The following IGSF21 variants were observed in gnomAD, a reference collection of about 807,000 sequenced individuals.
The protein encoded by IGSF21 is immunoglobin superfamily member 21, also known as immunoglobulin superfamily member 21.
Under a neutral mutation model 46.8 loss-of-function variants are expected in IGSF21, and 28 were observed. The ratio of observed to expected loss-of-function variants is 0.60; its 90% CI spans 0.44 to 0.82. The LOEUF (loss-of-function observed/expected upper bound fraction) is 0.82. Ranked by LOEUF, IGSF21 falls within the 40% of genes least tolerant of loss-of-function variation. The pLI is 0.00. For missense variants in IGSF21, 624 were observed against 665.5 expected (o/e 0.94, Z 0.69); for synonymous variants, 284 against 273.6 (o/e 1.04, Z -0.38).
At chr1:18,150,666 C>T (rs10907333) in intron 1 of IGSF21, among the ~76,000 whole-genome samples, 76,375 of 152,060 alleles carry the variant, frequency 0.5, 20,563 homozygotes, top group Non-Finnish European at 0.62. Flanking sequence ...TCCTTGAATT[C>T]CAGAGGGGAC....
chr1:18,278,268 C>G (rs1477037722), intron 2 of IGSF21, among the ~76,000 whole-genome samples: 1 of 151,686 alleles, frequency 6.6e-6, no homozygotes, highest in East Asian at 1.9e-4. Flanking sequence ...GAGACAGAGT[C>G]TCACTCTGTT....
chr1:18,199,501 C>T (rs2087045718), intron 1 of IGSF21, among the ~76,000 whole-genome samples: 1 of 152,178 alleles, frequency 6.6e-6, no homozygotes, highest in African/African-American at 2.4e-5. Context: ...GAAGTGCCCT[C>T]ACAGAGGCCC....
chr1:18,270,882 T>C (rs144393344), intron 2 of IGSF21, among the ~76,000 whole-genome samples: 2 of 152,354 alleles, frequency 1.3e-5, no homozygotes, highest in Non-Finnish European at 2.9e-5. Flanking sequence ...TGGTAGCATT[T>C]CTGCAAATTA....
At chr1:18,266,560 C>T (rs1252998158) in intron 2 of IGSF21, among the ~76,000 whole-genome samples, 1 of 152,240 alleles carries the variant, frequency 6.6e-6, no homozygotes, top group Non-Finnish European at 1.5e-5. Context: ...TGTCTCCCAT[C>T]CTCCAGTGGG....
At chr1:18,197,154 G>C (rs910745011) in intron 1 of IGSF21, among the ~76,000 whole-genome samples, 2 of 152,192 alleles carry the variant, frequency 1.3e-5, no homozygotes, top group Non-Finnish European at 2.9e-5. Flanking sequence ...CGGGTGTCTC[G>C]ATGCGAGGAA....
intron 4 of IGSF21, among the ~76,000 whole-genome samples, chr1:18,340,963 CCTT>C (rs1224388315): frequency 6.1e-5 from 9 of 147,512 alleles, no homozygotes; most frequent in African/African-American, 2.0e-4. Flanking sequence ...CCCTCCCCCT[CCTT>C]CTTCTCCTTC....
At chr1:18,351,848 C>T (rs1184957662) in intron 4 of IGSF21, among the ~76,000 whole-genome samples, 1 of 152,234 alleles carries the variant, frequency 6.6e-6, no homozygotes, top group Non-Finnish European at 1.5e-5. Flanking sequence ...GGGGCTTAAA[C>T]ACATTCTCTC....
At chr1:18,222,122 C>G (rs1410958840) in intron 1 of IGSF21, among the ~76,000 whole-genome samples, 1 of 152,192 alleles carries the variant, frequency 6.6e-6, no homozygotes, top group African/African-American at 2.4e-5. Context: ...GCCTGCTCAG[C>G]TGTGCCTCCT....
chr1:18,291,757 G>A, intron 2 of IGSF21, 109 bp from the exon 3 acceptor site: 1 of 1,309,454 alleles, frequency 7.6e-7, no homozygotes, highest in South Asian at 1.3e-5. Context: ...CAGGATGGGG[G>A]CTGTCCTTCT....
At chr1:18,367,603 C>CTCTTTTTTTTTTT (rs1553167093) in intron 6 of IGSF21, among the ~76,000 whole-genome samples, 3 of 73,952 alleles carry the variant, frequency 4.1e-5, no homozygotes, top group Admixed American at 2.0e-4. Context: ...CTCTCTCTCT[C>CTCTTTTTTTTTTT]TTTTTTTTTT....
At chr1:18,292,262 A>G (rs2124566322) in intron 3 of IGSF21, among the ~76,000 whole-genome samples, 1 of 152,342 alleles carries the variant, frequency 6.6e-6, no homozygotes, top group African/African-American at 2.4e-5. Context: ...TCCAAACTCC[A>G]TTTATTTCCA....
chr1:18,346,426 A>G (rs2085893790), intron 4 of IGSF21, among the ~76,000 whole-genome samples: 1 of 152,188 alleles, frequency 6.6e-6, no homozygotes, highest in Admixed American at 6.5e-5. Context: ...TGCTTGGCCC[A>G]GATGCTGGCA....
At chr1:18,346,427 G>A (rs1429162987) in intron 4 of IGSF21, among the ~76,000 whole-genome samples, 1 of 152,144 alleles carries the variant, frequency 6.6e-6, no homozygotes, top group Admixed American at 6.5e-5. Flanking sequence ...GCTTGGCCCA[G>A]ATGCTGGCAT....
chr1:18,255,859 C>A (rs2084887569), intron 2 of IGSF21, among the ~76,000 whole-genome samples: 1 of 152,166 alleles, frequency 6.6e-6, no homozygotes, highest in African/African-American at 2.4e-5. Context: ...CTGTTACCTC[C>A]CAACTTGCCC....
intron 1 of IGSF21, among the ~76,000 whole-genome samples, chr1:18,108,911 G>A (rs34227097): frequency 0.018 from 2,752 of 151,464 alleles, 29 homozygotes; most frequent in East Asian, 0.049. Context: ...GTGTGTATGC[G>A]TGCCATGGAG....
intron 2 of IGSF21, among the ~76,000 whole-genome samples, chr1:18,268,730 C>T (rs150626328): frequency 9.7e-4 from 148 of 152,220 alleles, no homozygotes; most frequent in Non-Finnish European, 1.6e-3. Flanking sequence ...GATAGAAGGG[C>T]GGGAGGAATC....
At chr1:18,241,304 AT>A (rs1383174287) in intron 2 of IGSF21, among the ~76,000 whole-genome samples, 2 of 152,130 alleles carry the variant, frequency 1.3e-5, no homozygotes, top group African/African-American at 4.8e-5. Context: ...AGGACTTTGC[AT>A]TGTCTGGCCC....
intron 1 of IGSF21, among the ~76,000 whole-genome samples, chr1:18,147,332 C>T (rs12134775): frequency 0.22 from 33,438 of 152,066 alleles, 4,092 homozygotes; most frequent in Non-Finnish European, 0.28. Context: ...GCTCATGCCA[C>T]TCCCACCACT....
chr1:18,190,424 C>T (rs1049364325), intron 1 of IGSF21, among the ~76,000 whole-genome samples: 1 of 152,212 alleles, frequency 6.6e-6, no homozygotes, highest in African/African-American at 2.4e-5. Flanking sequence ...GCAAGCATGC[C>T]AGTGTGCGTG....
Sources: gnomAD v4.1 joint callset for allele counts (sites outside exome capture counted in the v4.1 genomes callset) on GRCh38, gnomAD v4.1.1 for gene constraint, MANE v1.5 for transcripts, NCBI Gene and HGNC (gene_info 2026-07-23, HGNC 2026-07-21) for gene names.